The following FRYL variants were observed in gnomAD, a reference collection of about 807,000 sequenced individuals.
FRYL encodes protein furry homolog-like.
FRYL carries 150 observed loss-of-function variants against 351.2 expected under a neutral mutation model. That is an observed-to-expected ratio of 0.43 (90% CI 0.37 to 0.49). FRYL has a LOEUF of 0.49. Among genes scored for constraint, FRYL ranks in the 20% least tolerant of loss-of-function variants. The probability of loss-of-function intolerance (pLI) is 0.00; values close to 1 mark genes in which losing one functional copy is unlikely to be tolerated. For synonymous variants in FRYL, 1,153 were observed against 1,257.1 expected, an observed-to-expected ratio of 0.92 and a Z score of 1.75; for missense variants, 3,036 against 3,619.3, an observed-to-expected ratio of 0.84 and a Z score of 4.13.
At chr4:48,630,555 G>A (rs1752761746) in intron 4 of FRYL, among the ~76,000 whole-genome samples, 1 of 152,092 alleles carries the variant, frequency 6.6e-6, no homozygotes, top group African/African-American at 2.4e-5. Context: ...TTATTACCGA[G>A]GATTGATCCA....
At chr4:48,663,333 A>ATAAT (rs1439985609) in intron 3 of FRYL, among the ~76,000 whole-genome samples, 8 of 7,480 alleles carry the variant, frequency 1.1e-3, no homozygotes, top group South Asian at 0.14. Context: ...AATTAAATAT[A>ATAAT]TAATTTAATT....
chr4:48,539,281 AG>A, intron 47 of FRYL, among the ~76,000 whole-genome samples: 2 of 152,312 alleles, frequency 1.3e-5, no homozygotes, highest in South Asian at 4.1e-4. Context: ...GCAAACAAAA[AG>A]GGACAGAGAA....
chr4:48,552,071 G>A (rs934304029), intron 36 of FRYL, among the ~76,000 whole-genome samples: 1 of 152,030 alleles, frequency 6.6e-6, no homozygotes, highest in East Asian at 1.9e-4. Flanking sequence ...ACTAGGGCAC[G>A]CCATGTACTC....
intron 1 of FRYL, among the ~76,000 whole-genome samples, chr4:48,762,653 T>G (rs1578959702): frequency 1.3e-5 from 2 of 152,152 alleles, no homozygotes; most frequent in Non-Finnish European, 2.9e-5. Context: ...GAGAATCTGA[T>G]GAAAACCACA....
intron 1 of FRYL, among the ~76,000 whole-genome samples, chr4:48,742,502 C>G (rs1351779923): frequency 1.3e-5 from 2 of 152,172 alleles, no homozygotes; most frequent in African/African-American, 4.8e-5. Flanking sequence ...TATACTCCAA[C>G]TTATCCAGTC....
intron 1 of FRYL, among the ~76,000 whole-genome samples, chr4:48,773,242 T>G (rs776985230): frequency 3.3e-5 from 5 of 152,186 alleles, no homozygotes; most frequent in Non-Finnish European, 7.3e-5. Flanking sequence ...TAAAGACTAG[T>G]AGAGCTGATG....
intron 1 of FRYL, among the ~76,000 whole-genome samples, chr4:48,738,519 G>A (rs996028349): frequency 6.6e-6 from 1 of 152,070 alleles, no homozygotes; most frequent in Non-Finnish European, 1.5e-5. Context: ...GTTTCAAAGA[G>A]ATGGGGTCTC....
At position 48,582,677 on chromosome 4, in the gene FRYL, T is replaced by C; in HGVS notation, c.1806A>G (p.Ala602=). ...LRALAFNTLQ[A]LMLDFPDWRE... ...GCCAATCTGGAAAATCAAGCATTAG[T>C]GCCTGCAGAGTATTGAAAGCCAGAG... Residue 602 remains alanine (A), a synonymous_variant, in exon 20 of 64, where the codon GCA becomes GCG. Transcript: ENST00000358350. 6.2e-7 allele frequency: 1 copy of C among 1,614,170 alleles called. No individual in the cohort carries two copies. The highest frequency in any genetic ancestry group is 8.5e-7 in the Non-Finnish European group (1 of 1,180,010).
At chr4:48,649,531 T>A (rs1757220803) in intron 3 of FRYL, among the ~76,000 whole-genome samples, 1 of 152,222 alleles carries the variant, frequency 6.6e-6, no homozygotes, top group Non-Finnish European at 1.5e-5. Flanking sequence ...TAGCATTACA[T>A]GAACAGATCT....
intron 3 of FRYL, among the ~76,000 whole-genome samples, chr4:48,678,527 AAAAAT>A (rs1182380398): frequency 6.6e-6 from 1 of 151,064 alleles, no homozygotes; most frequent in African/African-American, 2.4e-5. Flanking sequence ...AAAAAAAAAA[AAAAAT>A]AGAGAGAGAA....
rs1172875870 is a variant in FRYL at position 48,567,255 on chromosome 4, A to T, written c.3162T>A (p.Asn1054Lys). 6.2e-7 allele frequency: 1 copy of T among 1,607,190 alleles called. No individual in the cohort carries two copies. The highest frequency in any genetic ancestry group is 8.5e-7 in the Non-Finnish European group (1 of 1,177,838). ...FSALVANIIQ[N>K]VPVHQRRSIF... ...AGAAACTGAAAATAATACCTGGAACATTCTGAATAATATTCGCCACTAAGG... is the reference window on the plus strand; with the variant it reads ...AGAAACTGAAAATAATACCTGGAACTTTCTGAATAATATTCGCCACTAAGG... The change falls in exon 28 of 64, where the codon AAT becomes AAA. Residue 1054 changes from asparagine to lysine, a missense_variant. Physicochemically the swap from Asn to Lys is moderately conservative, Grantham distance 94. This residue lies in a region of FRYL where 15 missense variants were observed against 41.9 expected (regional missense o/e 0.36). Transcript: ENST00000358350. The surrounding 1 kb of genome is among the most constrained non-coding windows in gnomAD (Gnocchi z 4.2).
chr4:48,531,910 A>G (rs1727734829), intron 49 of FRYL, among the ~76,000 whole-genome samples: 1 of 152,110 alleles, frequency 6.6e-6, no homozygotes, highest in African/African-American at 2.4e-5. Context: ...TGAGTTGTGT[A>G]GGGTGAGGTT....
In FRYL at chr4:48,540,971, A is replaced by AG; in HGVS notation, c.5688-12dup. On this transcript the variant is annotated splice_polypyrimidine_tract_variant and intron_variant, in intron 45 of 63. Transcript: ENST00000358350. ...TCATGATATGAGGTTCTTAAAAAAAAGAAAGAATAGATGAATGCATACCCA... is the reference window on the plus strand; with the variant it reads ...TCATGATATGAGGTTCTTAAAAAAAAGGAAAGAATAGATGAATGCATACCCA... 1 of 1,533,128 alleles carries AG rather than the reference A, an allele frequency of 6.5e-7. No homozygotes were observed. The highest frequency in any genetic ancestry group is 8.8e-7 in the Non-Finnish European group (1 of 1,139,768). The allele number at this position is 1,533,128 out of a possible 1,614,324, so 95.0% of individuals were successfully genotyped here.
intron 3 of FRYL, among the ~76,000 whole-genome samples, chr4:48,654,603 C>T (rs1758433211): frequency 6.6e-6 from 1 of 152,162 alleles, no homozygotes. Context: ...GTGCAACTTA[C>T]TCAAAAGCGA....
intron 3 of FRYL, among the ~76,000 whole-genome samples, chr4:48,680,136 A>T (rs1272627664): frequency 6.6e-6 from 1 of 152,056 alleles, no homozygotes; most frequent in African/African-American, 2.4e-5. Context: ...ATGTATACAT[A>T]TTAAAATATG....
chr4:48,732,322 T>C (rs1242862674), intron 1 of FRYL, among the ~76,000 whole-genome samples: 1 of 152,160 alleles, frequency 6.6e-6, no homozygotes, highest in African/African-American at 2.4e-5. Flanking sequence ...TTTTACACTG[T>C]TGGTGGGAGT....
At chr4:48,691,723 C>T (rs573913840) in intron 2 of FRYL, among the ~76,000 whole-genome samples, 63 of 152,266 alleles carry the variant, frequency 4.1e-4, no homozygotes, top group African/African-American at 1.4e-3. Flanking sequence ...AAAAATTCCT[C>T]ATAATTCTAA....
At chr4:48,573,074 T>TAA in intron 26 of FRYL, 112 bp downstream of exon 26, 1 of 726,858 alleles carries the variant, frequency 1.4e-6, no homozygotes, top group Non-Finnish European at 2.3e-6. Flanking sequence ...GTCTGCATCT[T>TAA]AAAAAGAAGA....
chr4:48,754,884 C>T (rs1286071384), intron 1 of FRYL, among the ~76,000 whole-genome samples: 1 of 152,134 alleles, frequency 6.6e-6, no homozygotes, highest in Non-Finnish European at 1.5e-5. Flanking sequence ...TCAGGTGATC[C>T]ACCCGCCTTG....
Sources: allele counts gnomAD v4.1 joint callset (sites outside exome capture counted in the v4.1 genomes callset), GRCh38; gene constraint gnomAD v4.1.1; regional missense constraint gnomAD v4.1.1; non-coding constraint Gnocchi (gnomAD v3.1); transcripts MANE v1.5; gene names NCBI Gene and HGNC (gene_info 2026-07-23, HGNC 2026-07-21).